The following BAIAP2 variants were observed in gnomAD, a reference collection of about 807,000 sequenced individuals.
The protein encoded by BAIAP2 is BAR/IMD domain-containing adapter protein 2.
In BAIAP2, 18 loss-of-function variants were observed where a neutral mutation model predicts 63.0. The ratio of observed to expected loss-of-function variants is 0.29; its 90% CI spans 0.20 to 0.42. The LOEUF is 0.42. BAIAP2 is among the 10% of genes least tolerant of loss of function. The probability of loss-of-function intolerance (pLI) is 1.00; values close to 1 mark genes in which losing one functional copy is unlikely to be tolerated. For missense variants in BAIAP2, 610 were observed against 734.3 expected, an observed-to-expected ratio of 0.83 and a Z score of 1.96; for synonymous variants, 386 against 307.6, an observed-to-expected ratio of 1.25 and a Z score of -2.67.
chr17:81,043,013 G>A (rs1240965738), intron 1 of BAIAP2, among the ~76,000 whole-genome samples: 1 of 152,166 alleles, frequency 6.6e-6, no homozygotes, highest in African/African-American at 2.4e-5. Flanking sequence ...GATTACAGGT[G>A]TGCGCCACCA....
chr17:81,090,861 C>T (rs1349373733), intron 6 of BAIAP2, among the ~76,000 whole-genome samples: 1 of 152,220 alleles, frequency 6.6e-6, no homozygotes, highest in Non-Finnish European at 1.5e-5. Flanking sequence ...CCTGCTGGTT[C>T]CCATTGCCTT....
At chr17:81,102,353 C>A (rs987477581) in intron 7 of BAIAP2, among the ~76,000 whole-genome samples, 1 of 152,138 alleles carries the variant, frequency 6.6e-6, no homozygotes, top group Admixed American at 6.5e-5. Flanking sequence ...AGTGCTGGTC[C>A]CTGCTGGCCT....
chr17:81,104,370 A>G lies in BAIAP2; in HGVS notation c.1067-144A>G. 3.2e-6 allele frequency: 3 copies of G among 935,572 alleles called. No homozygotes were observed. The South Asian group carries it at 4.8e-5, about 15-fold the overall frequency. The allele number at this position is 935,572 out of a possible 1,614,324, so 58.0% of individuals were successfully genotyped here. ...AGGCAGCAGCCACTTGGGAGCAGGT[A>G]GCTGCTGCTGCGGAGAGCTTAGCCA... On this transcript the variant is annotated intron_variant, in intron 9 of 13. Coordinates refer to ENST00000428708, the MANE Select transcript of BAIAP2 (RefSeq NM_001144888.2).
At chr17:81,111,541 C>G (rs1207907568) in intron 13 of BAIAP2, among the ~76,000 whole-genome samples, 2 of 152,244 alleles carry the variant, frequency 1.3e-5, no homozygotes, top group Non-Finnish European at 2.9e-5. Context: ...GACACTGGCT[C>G]CATCCCTAGT....
At chr17:81,053,570 G>A (rs1423437776) in intron 1 of BAIAP2, 98 bp from the exon 2 acceptor site, 2 of 1,305,070 alleles carry the variant, frequency 1.5e-6, no homozygotes, top group East Asian at 4.6e-5. Flanking sequence ...CCCCCAGGAG[G>A]GGTGCCTGCT....
rs537757588 is a variant in BAIAP2 at position 81,043,277 on chromosome 17, C to G, written c.54+7969C>G. ...GTTTTTCCAGCCCCCTCTTCCGTGG[C>G]CGACTATGTCTGCCAGAGGAGGCCT... On this transcript the variant is annotated intron_variant, in intron 1 of 13. Transcript: ENST00000428708. Among the ~76,000 whole-genome samples, 4 of 152,374 alleles carry G rather than the reference C, an allele frequency of 2.6e-5. No homozygotes were observed. In the East Asian group the frequency reaches 7.7e-4, roughly 29 times the overall value.
At chr17:81,048,946 C>T (rs973715056) in intron 1 of BAIAP2, among the ~76,000 whole-genome samples, 4 of 152,214 alleles carry the variant, frequency 2.6e-5, no homozygotes, top group African/African-American at 9.6e-5. Context: ...TGTGTGGGAG[C>T]CCCTCGTGGG....
At position 81,103,589 on chromosome 17, in the gene BAIAP2, A is replaced by G. The variant is rs751267807; in HGVS notation, c.730A>G (p.Met244Val). The G allele has an allele frequency of 3.7e-6, 6 of 1,604,612 alleles. No homozygotes were observed. The highest frequency in any genetic ancestry group is 1.3e-5 in the African/African-American group (1 of 74,922). ...SKIPERAVQL[M>V]QQVASNGATL... is the part of the protein sequence containing the mutation. ...GATCCCGGAGCGCGCGGTGCAGCTC[A>G]TGCAGCAGGTGGCCAGCAACGGCGC... is the stretch of plus-strand genomic sequence containing the variant. Residue 244 changes from methionine (M) to valine (V), a missense_variant, in exon 8 of 14, where the codon ATG (methionine) becomes GTG (valine). Around this residue, in one of 5 missense-constraint regions of BAIAP2, gnomAD observed 389 missense variants for 455.6 expected, o/e 0.85. Transcript: ENST00000428708.
At chr17:81,071,795 C>T (rs368788635) in intron 3 of BAIAP2, among the ~76,000 whole-genome samples, 2 of 152,250 alleles carry the variant, frequency 1.3e-5, no homozygotes, top group East Asian at 1.9e-4. Flanking sequence ...TTCTGCCATC[C>T]GAGCTCTGTC....
rs1164091676 is a variant in BAIAP2 at position 81,086,466 on chromosome 17, T to C, written c.375T>C (p.Thr125=). Residue 125 remains threonine (T), a synonymous_variant, in exon 6 of 14, where the codon ACT becomes ACC. Coordinates refer to ENST00000428708, the MANE Select transcript of BAIAP2 (RefSeq NM_001144888.2). ...YLSAALKKYQ[T]EQRSKGDALD... is the part of the protein sequence containing the mutation. Reference sequence around the variant, plus strand: ...AGGCTGCGCTGAAGAAATACCAGACTGAGCAAAGGAGCAAAGGCGACGCCC... The same window carrying C: ...AGGCTGCGCTGAAGAAATACCAGACCGAGCAAAGGAGCAAAGGCGACGCCC... 13 of 1,613,874 alleles carry C rather than the reference T, an allele frequency of 8.1e-6. No individual in the cohort carries two copies. The highest frequency in any genetic ancestry group is 1.1e-5 in the Non-Finnish European group (13 of 1,179,986).
chr17:81,104,821 A>G lies in BAIAP2; in HGVS notation c.1268+106A>G, dbSNP rs1598805579. 5 of 1,239,684 alleles carry G rather than the reference A, an allele frequency of 4.0e-6. No homozygotes were observed. In the Admixed American group the frequency reaches 9.4e-5, roughly 23 times the overall value. 76.8% of individuals were successfully genotyped at this position (1,239,684 alleles called of 1,614,324 possible). A position where few individuals can be genotyped will look rare whatever the true frequency, so the allele number is the denominator to read the frequency against. On this transcript the variant is annotated intron_variant, in intron 10 of 13. Coordinates refer to ENST00000428708, the MANE Select transcript of BAIAP2 (RefSeq NM_001144888.2). ...GACCTTGTGTTTAGAGTGGCTGTGC[A>G]GGTTGCGGGTCCTCGCCGTAGAAGA... is the stretch of plus-strand genomic sequence containing the variant.
At chr17:81,099,793 C>G in intron 6 of BAIAP2, 135 bp from the exon 7 acceptor site, 1 of 1,025,014 alleles carries the variant, frequency 9.8e-7, no homozygotes. Context: ...TGAGTGGCCG[C>G]AGATGCTGTT....
Position 81,116,343 on chromosome 17 carries a change from G to C in BAIAP2, c.*504G>C, listed in dbSNP as rs762959776. The C allele has an allele frequency of 6.2e-7, 1 of 1,610,844 alleles. No homozygotes were observed. The highest frequency in any genetic ancestry group is 2.2e-5 in the East Asian group (1 of 44,860). The stretch of plus-strand genomic sequence containing the variant: ...CACGTAATTCCCTGCAGGTCCGGCA[G>C]CTACACCTGGAGTGTGGGGCCTGGT... On this transcript the variant is annotated 3_prime_UTR_variant, in exon 14 of 14. Coordinates refer to ENST00000428708, the MANE Select transcript of BAIAP2 (RefSeq NM_001144888.2).
chr17:81,053,115 G>A (rs1031042731), intron 1 of BAIAP2, among the ~76,000 whole-genome samples: 3 of 152,224 alleles, frequency 2.0e-5, no homozygotes, highest in Non-Finnish European at 2.9e-5. Context: ...TCTTGGCACC[G>A]AGATGCCCGT....
intron 13 of BAIAP2, chr17:81,110,940 G>A (rs1598848806): frequency 1.9e-6 from 3 of 1,613,912 alleles, no homozygotes; most frequent in Non-Finnish European, 1.7e-6. Flanking sequence ...GCCAGATTCT[G>A]AGCCGCCTGA....
intron 13 of BAIAP2, among the ~76,000 whole-genome samples, chr17:81,115,544 G>C (rs980891862): frequency 6.6e-6 from 1 of 152,194 alleles, no homozygotes; most frequent in African/African-American, 2.4e-5. Flanking sequence ...GGGGCACCCT[G>C]CCTTGTCTAG....
Position 81,115,967 on chromosome 17 carries a change from TGAGTCTG to T in BAIAP2, c.*130_*136del. 5 of 1,512,588 alleles carry T rather than the reference TGAGTCTG, an allele frequency of 3.3e-6. No individual in the cohort carries two copies. The highest frequency in any genetic ancestry group is 3.5e-6 in the Non-Finnish European group (4 of 1,130,452). The allele number at this position is 1,512,588 out of a possible 1,614,324, so 93.7% of individuals were successfully genotyped here. ...CCCGGCTGCCTGGTCTTGCCCCACT[TGAGTCTG>T]GCCTGGACTGGATCCCAGCTGTTCT... On this transcript the variant is annotated 3_prime_UTR_variant, in exon 14 of 14. Coordinates refer to ENST00000428708, the MANE Select transcript of BAIAP2 (RefSeq NM_001144888.2).
intron 6 of BAIAP2, among the ~76,000 whole-genome samples, chr17:81,093,223 C>CG (rs911532495): frequency 6.6e-6 from 1 of 151,838 alleles, no homozygotes; most frequent in African/African-American, 2.4e-5. Context: ...GTGGGGCAGC[C>CG]GGGCCCCTGC....
chr17:81,072,070 G>A (rs747338208), intron 3 of BAIAP2, among the ~76,000 whole-genome samples: 29 of 152,196 alleles, frequency 1.9e-4, no homozygotes, highest in Admixed American at 3.9e-4. Context: ...CCTCCTTCGA[G>A]CGCCCACGTA....
Sources: gnomAD v4.1 joint callset for allele counts (sites outside exome capture counted in the v4.1 genomes callset) on GRCh38, gnomAD v4.1.1 for gene constraint, gnomAD v4.1.1 regional missense constraint, MANE v1.5 for transcripts, NCBI Gene and HGNC (gene_info 2026-07-23, HGNC 2026-07-21) for gene names.